NEO1: variants seen among roughly 807,000 people sequenced by gnomAD.
The protein encoded by NEO1 is neogenin 1.
Under a neutral mutation model 159.7 loss-of-function variants are expected in NEO1, and 63 were observed. The observed-to-expected ratio is 0.39, with a 90% CI of 0.32 to 0.49. NEO1 has a LOEUF of 0.49. Ranked by LOEUF, NEO1 falls within the 20% of genes least tolerant of loss-of-function variation. NEO1 has a pLI of 0.85. For synonymous variants in NEO1, 633 were observed against 662.0 expected, an observed-to-expected ratio of 0.96 and a Z score of 0.67; for missense variants, 1,615 against 1,831.0, an observed-to-expected ratio of 0.88 and a Z score of 2.15.
At chr15:73,292,262 C>T (rs2151143395) in intron 25 of NEO1, among the ~76,000 whole-genome samples, 1 of 152,272 alleles carries the variant, frequency 6.6e-6, no homozygotes, top group South Asian at 2.1e-4. Flanking sequence ...TGTTGAATAG[C>T]CCCACAAAGA....
chr15:73,178,255 C>T, intron 6 of NEO1, 52 bp from the exon 7 acceptor site: 2 of 1,509,392 alleles, frequency 1.3e-6, no homozygotes, highest in Non-Finnish European at 1.8e-6. Context: ...AGATTTTGAT[C>T]TGGTATTTAT....
At chr15:73,211,939 G>C (rs1056632886) in intron 7 of NEO1, among the ~76,000 whole-genome samples, 3 of 152,180 alleles carry the variant, frequency 2.0e-5, no homozygotes, top group African/African-American at 7.2e-5. Context: ...TTTGTCCAGT[G>C]TTCTCAGTAT....
intron 21 of NEO1, 122 bp downstream of exon 21, chr15:73,274,846 A>G: frequency 1.0e-6 from 1 of 955,794 alleles, no homozygotes; most frequent in East Asian, 2.4e-5. Context: ...TAAAAGCCAC[A>G]CAGTTATTGG....
chr15:73,178,198 C>A, intron 6 of NEO1, 109 bp from the exon 7 acceptor site: 1 of 981,694 alleles, frequency 1.0e-6, no homozygotes. Context: ...ATAATTGGAT[C>A]ATAAAAACTT....
chr15:73,135,913 G>A lies in NEO1; in HGVS notation c.901G>A (p.Ala301Thr), dbSNP rs1196508048. ...TESSERLVLL[A>T]GGSLEISDVT... ...CAGCTCTGAAAGATTGGTATTGCTG[G>A]CAGGTGGTAGCCTGGAGATCAGTGA... The change falls in exon 5 of 29, where the codon GCA becomes ACA. Residue 301 changes from alanine (A) to threonine (T), a missense_variant. This residue lies in a region of NEO1 where 1,018 missense variants were observed against 1,115.4 expected (regional missense o/e 0.91). Coordinates refer to ENST00000261908, the MANE Select transcript of NEO1 (RefSeq NM_002499.4). 6.3e-7 allele frequency: 1 copy of A among 1,588,848 alleles called. No individual in the cohort carries two copies. Among genetic ancestry groups the A allele is most frequent in the Non-Finnish European group, 8.5e-7 (1 of 1,170,844 alleles).
At chr15:73,293,837 C>A (rs1177944527) in intron 26 of NEO1, among the ~76,000 whole-genome samples, 1 of 152,034 alleles carries the variant, frequency 6.6e-6, no homozygotes. Context: ...GTCTTTTTTC[C>A]AATTTCTTTC....
chr15:73,088,794 G>A (rs1206290629), intron 1 of NEO1, among the ~76,000 whole-genome samples: 1 of 152,016 alleles, frequency 6.6e-6, no homozygotes, highest in Non-Finnish European at 1.5e-5. Flanking sequence ...TCAAAAGAGA[G>A]CATTTTAGTT....
chr15:73,190,311 T>A (rs1311208362), intron 7 of NEO1, among the ~76,000 whole-genome samples: 2 of 152,202 alleles, frequency 1.3e-5, no homozygotes, highest in African/African-American at 4.8e-5. Context: ...TTTCTGTCCT[T>A]TCATACCACG....
At chr15:73,168,658 C>G (rs1461126269) in intron 5 of NEO1, among the ~76,000 whole-genome samples, 2 of 152,108 alleles carry the variant, frequency 1.3e-5, no homozygotes, top group Non-Finnish European at 2.9e-5. Context: ...TTACTTCAAA[C>G]TTACATCATA....
rs762327984 is a variant in NEO1 at position 73,176,571 on chromosome 15, A to G, written c.1170+14A>G. On this transcript the variant is annotated intron_variant, in intron 6 of 28. Transcript: ENST00000261908. ...TTTAAGATTGTAGTAAGTATTTTTC[A>G]AAGAAGTGTGTTTATTTCTGTAACC... 2.5e-6 allele frequency: 4 copies of G among 1,596,098 alleles called. No individual in the cohort carries two copies. Among genetic ancestry groups the G allele is most frequent in the Non-Finnish European group, 3.4e-6 (4 of 1,169,764 alleles).
At chr15:73,238,562 A>C (rs2039325028) in intron 8 of NEO1, among the ~76,000 whole-genome samples, 5 of 151,668 alleles carry the variant, frequency 3.3e-5, no homozygotes, top group Admixed American at 2.6e-4. Context: ...TTAAGAGATA[A>C]ATATTTTTAA....
rs144746427 is a variant in NEO1, at chr15:73,199,499, C to T, written c.1291+21072C>T. On this transcript the variant is annotated intron_variant, in intron 7 of 28. Transcript: ENST00000261908. ...TTTACATAGACTATTTTGTATTCTA[C>T]ACAGAATTGTCCATCCTTCCCCATT... 8.3e-4 allele frequency among the ~76,000 whole-genome samples: 127 copies of T among 152,260 alleles called. 1 individual carries two copies. Among genetic ancestry groups the T allele is most frequent in the African/African-American group, 3.0e-3 (123 of 41,546 alleles).
intron 8 of NEO1, among the ~76,000 whole-genome samples, chr15:73,239,212 T>G (rs1258133986): frequency 6.6e-6 from 1 of 152,142 alleles, no homozygotes; most frequent in Non-Finnish European, 1.5e-5. Context: ...GTTCAATGAG[T>G]TGACAGCTAG....
intron 3 of NEO1, 39 bp from the exon 4 acceptor site, chr15:73,126,378 C>T (rs750720410): frequency 6.5e-7 from 1 of 1,546,162 alleles, no homozygotes; most frequent in Admixed American, 1.9e-5. Context: ...CCTGTTTTGT[C>T]CTTTAATTAT....
chr15:73,295,993 ACT>A (rs2042349366), intron 26 of NEO1, among the ~76,000 whole-genome samples: 1 of 152,196 alleles, frequency 6.6e-6, no homozygotes, highest in African/African-American at 2.4e-5. Flanking sequence ...GATTTTGCAC[ACT>A]GTCAGGGAGC....
chr15:73,139,625 A>C (rs1023851701), intron 5 of NEO1, among the ~76,000 whole-genome samples: 3 of 152,246 alleles, frequency 2.0e-5, no homozygotes, highest in African/African-American at 7.2e-5. Context: ...TTGTGGGCTA[A>C]ATCTTCCTGA....
chr15:73,177,067 C>T (rs1390956319), intron 6 of NEO1, among the ~76,000 whole-genome samples: 2 of 152,054 alleles, frequency 1.3e-5, no homozygotes, highest in African/African-American at 4.8e-5. Flanking sequence ...GACCCAGTGT[C>T]GGACAATTGT....
chr15:73,200,975 C>A (rs1454149699), intron 7 of NEO1, among the ~76,000 whole-genome samples: 1 of 152,064 alleles, frequency 6.6e-6, no homozygotes, highest in Non-Finnish European at 1.5e-5. Flanking sequence ...AACCAGCGGG[C>A]CTGGCCTTCC....
intron 8 of NEO1, among the ~76,000 whole-genome samples, chr15:73,237,110 T>A (rs1020605480): frequency 1.3e-5 from 2 of 151,566 alleles, no homozygotes; most frequent in Non-Finnish European, 2.9e-5. Flanking sequence ...ACCAGTCTAA[T>A]CACTATAGCC....
Sources: allele counts gnomAD v4.1 joint callset (sites outside exome capture counted in the v4.1 genomes callset), GRCh38; gene constraint gnomAD v4.1.1; regional missense constraint gnomAD v4.1.1; transcripts MANE v1.5; gene names NCBI Gene and HGNC (gene_info 2026-07-23, HGNC 2026-07-21).